The following MBTD1 variants were observed in gnomAD, a reference collection of about 807,000 sequenced individuals.
The protein encoded by MBTD1 is mbt domain containing 1.
A neutral mutation model predicts 87.8 loss-of-function variants in MBTD1; 24 were observed. That is an observed-to-expected ratio of 0.27 (90% CI 0.20 to 0.38). The LOEUF is 0.38. Ranked by LOEUF, MBTD1 falls within the 10% of genes least tolerant of loss-of-function variation. The pLI is 1.00. For synonymous variants in MBTD1, 237 were observed against 248.6 expected (o/e 0.95, Z 0.44); for missense variants, 436 against 760.2 (o/e 0.57, Z 5.02).
intron 2 of MBTD1, among the ~76,000 whole-genome samples, chr17:51,241,514 C>T (rs1355520707): frequency 6.6e-6 from 1 of 152,104 alleles, no homozygotes; most frequent in Non-Finnish European, 1.5e-5. Context: ...AAACAGCTCT[C>T]TTTTTTCTCT....
At chr17:51,259,768 G>T (rs2055356746) in intron 1 of MBTD1, 67 bp downstream of exon 1, 1 of 1,227,378 alleles carries the variant, frequency 8.1e-7, no homozygotes, top group South Asian at 4.1e-5. Context: ...CGGGGTTCCT[G>T]GGGTCGGAGA....
At chr17:51,205,887 A>G (rs1196870250) in intron 7 of MBTD1, among the ~76,000 whole-genome samples, 1 of 152,202 alleles carries the variant, frequency 6.6e-6, no homozygotes, top group Non-Finnish European at 1.5e-5. Flanking sequence ...TTTGAGGAGA[A>G]TGCCGGAAAT....
chr17:51,239,853 A>T (rs2054064503), intron 2 of MBTD1, among the ~76,000 whole-genome samples: 1 of 152,156 alleles, frequency 6.6e-6, no homozygotes, highest in South Asian at 2.1e-4. Context: ...TTACATAATC[A>T]TAGGTCAGCT....
At chr17:51,201,477 G>T in intron 12 of MBTD1, 115 bp downstream of exon 12, 1 of 558,536 alleles carries the variant, frequency 1.8e-6, no homozygotes, top group Non-Finnish European at 3.1e-6. Flanking sequence ...TCTCCCCAGT[G>T]AAGATATACA....
chr17:51,232,922 T>C (rs570138603), intron 2 of MBTD1, among the ~76,000 whole-genome samples: 1 of 151,872 alleles, frequency 6.6e-6, no homozygotes, highest in Admixed American at 6.6e-5. Flanking sequence ...TGTGGTGGTA[T>C]GTGCTTGTGG....
rs1465716648 is a variant in MBTD1 at position 51,178,000 on chromosome 17, A to C, written c.*2576T>G. The C allele has an allele frequency of 1.3e-5, 2 of 152,222 alleles. No homozygotes were observed. Among genetic ancestry groups the C allele is most frequent in the African/African-American group, 4.8e-5 (2 of 41,450 alleles). 9.4% of individuals were successfully genotyped at this position (152,222 alleles called of 1,614,324 possible). ...TGAAAACCCGTGTTAGTATCGTAGA[A>C]TAAGAAGTTGATAACAGCTTTAGCT... On this transcript the variant is annotated 3_prime_UTR_variant, in exon 17 of 17. Coordinates refer to ENST00000586178, the MANE Select transcript of MBTD1 (RefSeq NM_017643.3).
chr17:51,209,369 T>TG (rs1425915027), intron 6 of MBTD1: 2 of 471,046 alleles, frequency 4.2e-6, no homozygotes, highest in East Asian at 1.4e-4. Flanking sequence ...AAGGAAGATC[T>TG]GCTCCACCAC....
rs923297098 is a variant in MBTD1, at chr17:51,178,929, CT to C, written c.*1646del. 9.9e-5 allele frequency: 15 copies of C among 152,132 alleles called. No homozygotes were observed. Among genetic ancestry groups the C allele is most frequent in the Non-Finnish European group, 2.2e-4 (15 of 68,026 alleles). The allele number at this position is 152,132 out of a possible 1,614,324, so 9.4% of individuals were successfully genotyped here. On this transcript the variant is annotated 3_prime_UTR_variant, in exon 17 of 17. Coordinates refer to ENST00000586178, the MANE Select transcript of MBTD1 (RefSeq NM_017643.3). ...TTATAAAACCTTATGTTATTAACCCCTCTTGCATAGAATGAGGTAAACCTGT... is the reference window on the plus strand; with the variant it reads ...TTATAAAACCTTATGTTATTAACCCCCTTGCATAGAATGAGGTAAACCTGT...
At chr17:51,260,453 TG>T, upstream of MBTD1, 1 of 970,768 alleles carries the variant, frequency 1.0e-6, no homozygotes, top group Non-Finnish European at 1.5e-6. Context: ...GAGGGAGTGC[TG>T]GTCACGTGGC....
rs771562924 is a variant in MBTD1, at chr17:51,203,208, T to C, written c.760A>G (p.Asn254Asp). ...CGTTTCACTAGAAAAGCTTTCCAGT[T>C]TGTATATTTATGCTGAATAGCTAAA... The part of the protein sequence containing the change: ...PPRTIQHKYT[N>D]WKAFLVKRLT... Residue 254 changes from asparagine to aspartate, a missense_variant, in exon 9 of 17, where the codon AAC (asparagine) becomes GAC (aspartate). Physicochemically the swap from Asn to Asp is conservative, Grantham distance 23. Coordinates refer to ENST00000586178, the MANE Select transcript of MBTD1 (RefSeq NM_017643.3). 1.3e-5 allele frequency: 20 copies of C among 1,564,038 alleles called. 1 individual carries two copies. The highest frequency in any genetic ancestry group is 1.8e-4 in the Middle Eastern group (1 of 5,600).
chr17:51,239,709 G>T (rs2054054777), intron 2 of MBTD1, among the ~76,000 whole-genome samples: 1 of 151,646 alleles, frequency 6.6e-6, no homozygotes, highest in Non-Finnish European at 1.5e-5. Flanking sequence ...CCCCAGCGGT[G>T]ACAACCAAAA....
At chr17:51,234,502 A>G (rs1283806925) in intron 2 of MBTD1, among the ~76,000 whole-genome samples, 2 of 152,240 alleles carry the variant, frequency 1.3e-5, no homozygotes, top group East Asian at 3.9e-4. Context: ...TAAATTTGAC[A>G]ACTTGGATGA....
chr17:51,195,037 G>A (rs959994149), intron 13 of MBTD1, among the ~76,000 whole-genome samples, 177 bp downstream of exon 13: 8 of 152,106 alleles, frequency 5.3e-5, no homozygotes, highest in Admixed American at 1.3e-4. Context: ...ATTAAAGTAC[G>A]CTAGAATACA....
chr17:51,233,060 CAAAAAAAA>C (rs11457634), intron 2 of MBTD1, among the ~76,000 whole-genome samples: 1 of 40,494 alleles, frequency 2.5e-5, no homozygotes, highest in Non-Finnish European at 4.1e-5. Context: ...CTTCCCTCAC[CAAAAAAAA>C]AAAAAAAAAA....
intron 6 of MBTD1, among the ~76,000 whole-genome samples, chr17:51,209,625 G>A (rs1216852249): frequency 6.6e-6 from 1 of 152,184 alleles, no homozygotes; most frequent in South Asian, 2.1e-4. Context: ...CTCTCAGGAG[G>A]TTGATGCACT....
In MBTD1 at chr17:51,259,175, G is replaced by A; in HGVS notation, c.-81C>T. ...CAGAGAGGCTGCAGAGGGGACGGCT[G>A]CTTTGGATGACCTCTAATGTCTCTT... On this transcript the variant is annotated 5_prime_UTR_variant, in exon 2 of 17. Transcript: ENST00000586178. 7 of 1,009,892 alleles carry A rather than the reference G, an allele frequency of 6.9e-6. No individual in the cohort carries two copies. The highest frequency in any genetic ancestry group is 8.9e-6 in the Non-Finnish European group (7 of 785,010). 62.6% of individuals were successfully genotyped at this position (1,009,892 alleles called of 1,614,324 possible).
intron 7 of MBTD1, among the ~76,000 whole-genome samples, chr17:51,205,015 C>G (rs1356306643): frequency 6.6e-6 from 1 of 152,116 alleles, no homozygotes; most frequent in East Asian, 1.9e-4. Flanking sequence ...GGAAGGCTTA[C>G]TCTTGGAAAG....
At chr17:51,192,377 G>A in intron 15 of MBTD1, 97 bp from the exon 16 acceptor site, 1 of 848,438 alleles carries the variant, frequency 1.2e-6, no homozygotes, top group East Asian at 2.7e-5. Flanking sequence ...TCTTTACCAA[G>A]ACCATTATAC....
chr17:51,244,734 TC>T (rs58823718), intron 2 of MBTD1, among the ~76,000 whole-genome samples: 17,878 of 151,992 alleles, frequency 0.12, 1,754 homozygotes, highest in African/African-American at 0.27. Flanking sequence ...CATACTTCCA[TC>T]TTTTTTTTGA....
Sources: gnomAD v4.1 joint callset for allele counts (sites outside exome capture counted in the v4.1 genomes callset) on GRCh38, gnomAD v4.1.1 for gene constraint, MANE v1.5 for transcripts, NCBI Gene and HGNC (gene_info 2026-07-23, HGNC 2026-07-21) for gene names.